ZMYND11: variants seen among roughly 807,000 people sequenced by gnomAD.
ZMYND11 encodes zinc finger MYND-type containing 11.
ZMYND11 carries 9 observed loss-of-function variants against 84.9 expected under a neutral mutation model. The ratio of observed to expected loss-of-function variants is 0.11; its 90% CI spans 0.06 to 0.18. The LOEUF (loss-of-function observed/expected upper bound fraction) is 0.18, where lower values mean the gene tolerates loss of function less well. Ranked by LOEUF, ZMYND11 falls within the 10% of genes least tolerant of loss-of-function variation. The pLI is 1.00. For synonymous variants in ZMYND11, 250 were observed against 244.1 expected, an observed-to-expected ratio of 1.02 and a Z score of -0.23; for missense variants, 409 against 761.0, an observed-to-expected ratio of 0.54 and a Z score of 5.44.
At chr10:239,361 CT>C in intron 6 of ZMYND11, 76 bp from the exon 7 acceptor site, 1 of 1,176,244 alleles carries the variant, frequency 8.5e-7, no homozygotes, top group South Asian at 1.3e-5. Flanking sequence ...GAAAAGACTG[CT>C]TGTCCTGTGA....
chr10:203,112 G>A (rs1666375103), intron 2 of ZMYND11, among the ~76,000 whole-genome samples: 1 of 152,106 alleles, frequency 6.6e-6, no homozygotes, highest in Admixed American at 6.6e-5. Context: ...ATCCTCAAGA[G>A]TCATGTTTAA....
intron 2 of ZMYND11, among the ~76,000 whole-genome samples, chr10:208,212 C>A (rs1944533360): frequency 6.6e-6 from 1 of 152,300 alleles, no homozygotes; most frequent in Admixed American, 6.5e-5. Context: ...AAACCTAGGC[C>A]TTACCATTCA....
At chr10:206,975 C>T in intron 2 of ZMYND11, among the ~76,000 whole-genome samples, 1 of 152,076 alleles carries the variant, frequency 6.6e-6, no homozygotes, top group East Asian at 1.9e-4. Flanking sequence ...TCTCCTAATG[C>T]TATGCCTCCC....
intron 4 of ZMYND11, among the ~76,000 whole-genome samples, chr10:223,660 AG>A (rs1947555350): frequency 6.6e-6 from 1 of 152,210 alleles, no homozygotes; most frequent in South Asian, 2.1e-4. Context: ...TATTCATTTT[AG>A]ATCCATTCTA....
In ZMYND11 at chr10:162,736, G is replaced by A. The variant is rs535488437; in HGVS notation, c.-19-17258G>A. Among the ~76,000 whole-genome samples, 7 of 152,250 alleles carry A rather than the reference G, an allele frequency of 4.6e-5. No homozygotes were observed. The East Asian group carries it at 1.3e-3, about 29-fold the overall frequency. On this transcript the variant is annotated intron_variant, in intron 1 of 14. Transcript: ENST00000381604. ...TGCTATTTTTATTCTGTTTGCCAAA[G>A]TTTATTTAAGATTTTGGCATGGATG...
chr10:239,356 G>C, intron 6 of ZMYND11, 82 bp from the exon 7 acceptor site: 1 of 1,109,300 alleles, frequency 9.0e-7, no homozygotes, highest in East Asian at 2.4e-5. Flanking sequence ...TCCTAGAAAA[G>C]ACTGCTTGTC....
At chr10:160,409 G>T (rs1173931581) in intron 1 of ZMYND11, among the ~76,000 whole-genome samples, 1 of 152,214 alleles carries the variant, frequency 6.6e-6, no homozygotes. Context: ...TTGCCTTGAT[G>T]TTGATGGCTG....
intron 1 of ZMYND11, among the ~76,000 whole-genome samples, chr10:171,397 C>G (rs932964789): frequency 6.6e-6 from 1 of 152,074 alleles, no homozygotes; most frequent in Non-Finnish European, 1.5e-5. Context: ...AGAACATTCA[C>G]CAACATAGAC....
upstream of ZMYND11, among the ~76,000 whole-genome samples, chr10:134,058 C>T (rs1835412845): frequency 6.6e-6 from 1 of 152,120 alleles, no homozygotes; most frequent in African/African-American, 2.4e-5. Flanking sequence ...GGTGGGGACA[C>T]GTGCCAAGAC....
At chr10:220,450 A>T (rs1946955158) in intron 3 of ZMYND11, among the ~76,000 whole-genome samples, 1 of 151,990 alleles carries the variant, frequency 6.6e-6, no homozygotes, top group Non-Finnish European at 1.5e-5. Flanking sequence ...TATAAAAAAA[A>T]GGTGTCAAAA....
intron 3 of ZMYND11, among the ~76,000 whole-genome samples, chr10:220,334 G>A (rs1436747326): frequency 6.6e-6 from 1 of 151,888 alleles, no homozygotes; most frequent in Non-Finnish European, 1.5e-5. Context: ...ATCACTCTTA[G>A]CATAAATATA....
intron 1 of ZMYND11, among the ~76,000 whole-genome samples, chr10:156,540 T>A (rs1650322432): frequency 6.6e-6 from 1 of 152,254 alleles, no homozygotes. Context: ...CTTCTGTTCA[T>A]GTGATTAATT....
intron 2 of ZMYND11, among the ~76,000 whole-genome samples, chr10:182,044 A>T (rs1272144566): frequency 2.0e-5 from 3 of 152,214 alleles, no homozygotes; most frequent in African/African-American, 7.2e-5. Context: ...AATTAAAATC[A>T]TGTAAACATG....
intron 8 of ZMYND11, 131 bp downstream of exon 8, chr10:240,242 A>C (rs1346300817): frequency 6.5e-6 from 5 of 765,408 alleles, no homozygotes; most frequent in Non-Finnish European, 7.9e-6. Context: ...GTGGGGGCTC[A>C]CGCCTGTAAT....
At position 236,848 on chromosome 10, in the gene ZMYND11, A is replaced by G. The variant is rs1422986203; in HGVS notation, c.449A>G (p.Lys150Arg). The G allele has an allele frequency of 1.2e-6, 2 of 1,613,100 alleles. No individual in the cohort carries two copies. The highest frequency in any genetic ancestry group is 1.3e-5 in the African/African-American group (1 of 74,970). ...TTTTTTTTTCAATAGAGCATTAAGAAGAAGAATACAAACAAACAGGAGATG... is the reference window on the plus strand; with the variant it reads ...TTTTTTTTTCAATAGAGCATTAAGAGGAAGAATACAAACAAACAGGAGATG... Reference protein sequence around the residue: ...WQCPVCRSIKKKNTNKQEMGT... With the variant: ...WQCPVCRSIKRKNTNKQEMGT... The change falls in exon 5 of 15, where the codon AAG becomes AGG. Residue 150 changes from lysine (K) to arginine (R), a missense_variant. Lys to Arg is a conservative substitution (Grantham distance 26, BLOSUM62 2). Coordinates refer to ENST00000381604, the MANE Select transcript of ZMYND11 (RefSeq NM_001370100.5).
At chr10:147,966 A>G (rs1414338531) in intron 1 of ZMYND11, 1 of 152,214 alleles carries the variant, frequency 6.6e-6, no homozygotes, top group Non-Finnish European at 1.5e-5. Flanking sequence ...AAAAACTTGA[A>G]TGTCTTTCCC....
intron 10 of ZMYND11, among the ~76,000 whole-genome samples, chr10:243,221 A>T (rs1951402918): frequency 6.6e-6 from 1 of 152,226 alleles, no homozygotes; most frequent in Admixed American, 6.5e-5. Flanking sequence ...AGGTTTAAAG[A>T]AATGTTGCTA....
chr10:242,542 T>C (rs1369569632), intron 10 of ZMYND11, among the ~76,000 whole-genome samples: 1 of 152,218 alleles, frequency 6.6e-6, no homozygotes, highest in Admixed American at 6.5e-5. Context: ...CTTGTGATCT[T>C]ACAATGTGTG....
chr10:183,453 T>C (rs1313671429), intron 2 of ZMYND11, among the ~76,000 whole-genome samples: 1 of 152,174 alleles, frequency 6.6e-6, no homozygotes, highest in Non-Finnish European at 1.5e-5. Flanking sequence ...CAGTTGTTTC[T>C]CATTTTGTGA....
Sources: gnomAD v4.1 joint callset for allele counts (sites outside exome capture counted in the v4.1 genomes callset) on GRCh38, gnomAD v4.1.1 for gene constraint, MANE v1.5 for transcripts, NCBI Gene and HGNC (gene_info 2026-07-23, HGNC 2026-07-21) for gene names.